Variants in VPS13D observed in about 807,000 individuals in gnomAD.
VPS13D encodes the protein intermembrane lipid transfer protein VPS13D.
In VPS13D, 187 loss-of-function variants were observed where a neutral mutation model predicts 461.9. The ratio of observed to expected loss-of-function variants is 0.40; its 90% CI spans 0.36 to 0.46. The LOEUF is 0.46. Ranked by LOEUF, VPS13D falls within the 20% of genes least tolerant of loss-of-function variation. The pLI, the probability that VPS13D is intolerant of heterozygous loss-of-function variation, is 0.60. For synonymous variants in VPS13D, 1,951 were observed against 1,986.3 expected (o/e 0.98, Z 0.47); for missense variants, 4,711 against 5,364.9 (o/e 0.88, Z 3.81).
chr1:12,374,557 C>T (rs1203719618), intron 55 of VPS13D, among the ~76,000 whole-genome samples: 1 of 152,090 alleles, frequency 6.6e-6, no homozygotes, highest in Non-Finnish European at 1.5e-5. Flanking sequence ...AGTGAGGCTA[C>T]TCTTTTTCTT....
chr1:12,462,787 C>G (rs571300826), intron 67 of VPS13D, among the ~76,000 whole-genome samples: 1 of 152,260 alleles, frequency 6.6e-6, no homozygotes, highest in Non-Finnish European at 1.5e-5. Flanking sequence ...AGGTCTTGAC[C>G]AACACTGCAT....
In VPS13D at chr1:12,253,015, G is replaced by A. The variant is rs531688569; in HGVS notation, c.565-707G>A. Among the ~76,000 whole-genome samples the A allele has an allele frequency of 4.6e-5, 7 of 150,726 alleles. 1 individual carries two copies. The highest frequency in any genetic ancestry group is 2.1e-4 in the South Asian group (1 of 4,758). ...CTCTACTAAAAATACAAAGTTAGCC[G>A]GGCATGGTGATGCATGCCTGTAATC... On this transcript the variant is annotated intron_variant, in intron 6 of 69. Transcript: ENST00000620676.
intron 2 of VPS13D, among the ~76,000 whole-genome samples, chr1:12,240,550 G>A (rs1348559677): frequency 3.6e-5 from 5 of 140,806 alleles, no homozygotes; most frequent in Non-Finnish European, 6.0e-5. Flanking sequence ...AGCCGAGATC[G>A]CGCCATTGCC....
intron 52 of VPS13D, among the ~76,000 whole-genome samples, chr1:12,365,718 A>AG (rs1217236968): frequency 6.6e-5 from 10 of 152,058 alleles, no homozygotes; most frequent in African/African-American, 2.4e-4. Flanking sequence ...AAAAAAAAAA[A>AG]AATTCTTTCA....
rs142430611 is a variant in VPS13D, at chr1:12,311,819, C to G, written c.6829C>G (p.Leu2277Val). 1.2e-5 allele frequency: 20 copies of G among 1,613,784 alleles called. No individual in the cohort carries two copies. The East Asian group carries it at 3.8e-4, about 31-fold the overall frequency. ...GAGCATTTTCCTTTTGTAGACTGTC[C>G]TGAGTGGAGAAGTGTACACCTGTAT... The part of the protein sequence containing the change: ...DLQDPRIHTV[L>V]SGEVYTCMCF... The change falls in exon 29 of 70, where the codon CTG becomes GTG. Residue 2277 changes from leucine (L) to valine (V), a missense_variant. Transcript: ENST00000620676.
chr1:12,459,660 G>T (rs949935578), intron 66 of VPS13D, among the ~76,000 whole-genome samples: 4 of 151,804 alleles, frequency 2.6e-5, no homozygotes, highest in African/African-American at 9.7e-5. Flanking sequence ...TGTATTTTTA[G>T]TAAAGATGGG....
At position 12,353,966 on chromosome 1, in the gene VPS13D, C is replaced by G; in HGVS notation, c.9432-8C>G. 2 of 1,611,596 alleles carry G rather than the reference C, an allele frequency of 1.2e-6. No individual in the cohort carries two copies. Among genetic ancestry groups the G allele is most frequent in the Non-Finnish European group, 1.7e-6 (2 of 1,178,280 alleles). On this transcript the variant is annotated splice_polypyrimidine_tract_variant and splice_region_variant and intron_variant, in intron 46 of 69. Transcript: ENST00000620676. ...TCTGATGATTTTTACACCATTTTAT[C>G]TTCATAGGTTTTGTGTGGCTATAAA...
In VPS13D at chr1:12,277,068, T is replaced by C. The variant is rs1160593876; in HGVS notation, c.3480T>C (p.Tyr1160=). The change falls in exon 19 of 70, where the codon TAT becomes TAC. Residue 1160 remains tyrosine, a synonymous_variant. Coordinates refer to ENST00000620676, the MANE Select transcript of VPS13D (RefSeq NM_015378.4). The stretch of plus-strand genomic sequence containing the variant: ...AACAAGGAACTTACCAGTCTACATA[T>C]GAACAAAACACTGAGGTTGCAGTGG... ...FREQGTYQST[Y]EQNTEVAVEI... is the part of the protein sequence containing the mutation. 6.2e-7 allele frequency: 1 copy of C among 1,614,042 alleles called. No homozygotes were observed. Among genetic ancestry groups the C allele is most frequent in the Non-Finnish European group, 8.5e-7 (1 of 1,180,042 alleles).
At chr1:12,503,941 T>C (rs1646069452) in intron 68 of VPS13D, among the ~76,000 whole-genome samples, 1 of 151,998 alleles carries the variant, frequency 6.6e-6, no homozygotes, top group South Asian at 2.1e-4. Context: ...GAATTACCTG[T>C]GGCTTTAGGG....
chr1:12,247,083 G>A lies in VPS13D; in HGVS notation c.448-2140G>A, dbSNP rs375140353. On this transcript the variant is annotated intron_variant, in intron 5 of 69. Transcript: ENST00000620676. ...TTCCAAAGAGGCTGCACTATTTTAC[G>A]ATATCACCAGCAATGTATGAGCATT... Among the ~76,000 whole-genome samples the A allele has an allele frequency of 5.3e-5, 8 of 152,118 alleles. No individual in the cohort carries two copies. The South Asian group carries it at 1.0e-3, about 20-fold the overall frequency.
At chr1:12,294,397 C>T (rs572293394) in intron 24 of VPS13D, among the ~76,000 whole-genome samples, 4 of 152,302 alleles carry the variant, frequency 2.6e-5, no homozygotes, top group African/African-American at 9.6e-5. Context: ...GCTGAAGACC[C>T]AGCTTCGCAA....
intron 33 of VPS13D, 84 bp downstream of exon 33, chr1:12,322,048 C>T: frequency 1.3e-6 from 2 of 1,526,278 alleles, no homozygotes; most frequent in Non-Finnish European, 1.8e-6. Context: ...CTGAGCCCAA[C>T]AACCTCTTTT....
At chr1:12,476,169 A>G (rs1645628639) in intron 67 of VPS13D, among the ~76,000 whole-genome samples, 2 of 152,222 alleles carry the variant, frequency 1.3e-5, no homozygotes, top group Admixed American at 1.3e-4. Flanking sequence ...TCTCATTTGT[A>G]AGCAACTTGT....
Position 12,347,515 on chromosome 1 carries a change from T to C in VPS13D, c.9069+863T>C, listed in dbSNP as rs76095755. ...ACTGGCTTTGACTATTGGGGCCTTT[T>C]TTGGGTTGGGTCACTGGAAGCTGGA... On this transcript the variant is annotated intron_variant, in intron 44 of 69. Transcript: ENST00000620676. Among the ~76,000 whole-genome samples the C allele has an allele frequency of 6.9e-3, 1,050 of 152,278 alleles. 13 individuals are homozygous for C. Among genetic ancestry groups the C allele is most frequent in the African/African-American group, 0.025 (1,019 of 41,550 alleles).
At chr1:12,464,340 G>A (rs1645452377) in intron 67 of VPS13D, among the ~76,000 whole-genome samples, 1 of 152,224 alleles carries the variant, frequency 6.6e-6, no homozygotes, top group Non-Finnish European at 1.5e-5. Flanking sequence ...TTCTGCCTCT[G>A]AGCCTGCAAT....
At chr1:12,425,106 C>T (rs1644907980) in intron 65 of VPS13D, among the ~76,000 whole-genome samples, 1 of 152,148 alleles carries the variant, frequency 6.6e-6, no homozygotes, top group African/African-American at 2.4e-5. Context: ...TTTCAAGACA[C>T]TCACTCTGTT....
At chr1:12,285,255 T>G (rs1641925661) in intron 21 of VPS13D, among the ~76,000 whole-genome samples, 1 of 151,450 alleles carries the variant, frequency 6.6e-6, no homozygotes, top group South Asian at 2.1e-4. Context: ...TGCTGAAGTA[T>G]TTTATTTTAT....
At chr1:12,434,114 A>G (rs937589023) in intron 65 of VPS13D, among the ~76,000 whole-genome samples, 2 of 152,152 alleles carry the variant, frequency 1.3e-5, no homozygotes, top group African/African-American at 2.4e-5. Flanking sequence ...ATTGTCATTC[A>G]TTGTGCCTGA....
At chr1:12,433,208 G>T (rs990679397) in intron 65 of VPS13D, among the ~76,000 whole-genome samples, 1 of 151,974 alleles carries the variant, frequency 6.6e-6, no homozygotes, top group African/African-American at 2.4e-5. Context: ...TGGAGTAGGT[G>T]CTCGAAACCT....
Sources: gnomAD v4.1 joint callset for allele counts (sites outside exome capture counted in the v4.1 genomes callset) on GRCh38, gnomAD v4.1.1 for gene constraint, MANE v1.5 for transcripts, NCBI Gene and HGNC (gene_info 2026-07-23, HGNC 2026-07-21) for gene names.